TSNARE1: variants seen among roughly 807,000 people sequenced by gnomAD.
The protein encoded by TSNARE1 is t-SNARE domain containing 1, also known as t-SNARE domain-containing protein 1.
Under a neutral mutation model 62.0 loss-of-function variants are expected in TSNARE1, and 49 were observed. That is an observed-to-expected ratio of 0.79 (90% CI 0.63 to 1.00). TSNARE1 has a LOEUF of 1.00. TSNARE1 is among the 50% of genes least tolerant of loss of function. The pLI, the probability that TSNARE1 is intolerant of heterozygous loss-of-function variation, is 0.00. For synonymous variants in TSNARE1, 328 were observed against 294.4 expected (o/e 1.11, Z -1.17); for missense variants, 755 against 700.1 (o/e 1.08, Z -0.88).
rs1825569068 is a variant in TSNARE1, at chr8:142,300,642, A to T, written c.1134T>A (p.Ser378Arg). ...LPMAQRGSKQ[S>R]PQAPFAELAD... is the part of the protein sequence containing the mutation. ...CCAGCTCGGCAAACGGGGCCTGGGG[A>T]CTCTGCTGATGACAGACAGATCTTG... is the stretch of plus-strand genomic sequence containing the variant. Residue 378 changes from serine to arginine, a missense_variant and splice_region_variant, in exon 10 of 14, where the codon AGT becomes AGA. Coordinates refer to ENST00000524325, the MANE Select transcript of TSNARE1 (RefSeq NM_145003.5). 6.2e-7 allele frequency: 1 copy of T among 1,612,280 alleles called. No homozygotes were observed. Among genetic ancestry groups the T allele is most frequent in the Non-Finnish European group, 8.5e-7 (1 of 1,179,322 alleles).
intron 10 of TSNARE1, among the ~76,000 whole-genome samples, chr8:142,296,532 G>C (rs1824781779): frequency 6.6e-6 from 1 of 151,982 alleles, no homozygotes. Flanking sequence ...GGTTCCACAA[G>C]TACTGGCAAG....
intron 10 of TSNARE1, 141 bp from the exon 11 acceptor site, chr8:142,284,626 T>C (rs1822373973): frequency 1.5e-6 from 1 of 687,728 alleles, no homozygotes; most frequent in East Asian, 2.6e-5. Flanking sequence ...GGGGACCGGC[T>C]GGTCTGTCCA....
At chr8:142,214,073 T>A (rs1815709146) in intron 13 of TSNARE1, among the ~76,000 whole-genome samples, 1 of 152,158 alleles carries the variant, frequency 6.6e-6, no homozygotes, top group African/African-American at 2.4e-5. Context: ...TCCTCAGGGC[T>A]GGCAAGAGGC....
At chr8:142,222,983 TTCAC>T (rs1295641310) in intron 13 of TSNARE1, among the ~76,000 whole-genome samples, 2 of 105,524 alleles carry the variant, frequency 1.9e-5, no homozygotes, top group African/African-American at 3.6e-5. Flanking sequence ...CACTCACTCA[TTCAC>T]TCACTCTCTC....
intron 1 of TSNARE1, among the ~76,000 whole-genome samples, chr8:142,373,204 C>T (rs1836037192): frequency 6.6e-6 from 1 of 152,210 alleles, no homozygotes; most frequent in African/African-American, 2.4e-5. Flanking sequence ...CAGCCTGGAG[C>T]TGGGCACAAC....
At chr8:142,383,429 G>A (rs1350444329) in intron 1 of TSNARE1, among the ~76,000 whole-genome samples, 2 of 152,198 alleles carry the variant, frequency 1.3e-5, no homozygotes, top group African/African-American at 2.4e-5. Flanking sequence ...ACCCAGGACA[G>A]AGTGCAAATG....
At chr8:142,304,543 G>A (rs960240390) in intron 9 of TSNARE1, among the ~76,000 whole-genome samples, 4 of 152,318 alleles carry the variant, frequency 2.6e-5, no homozygotes, top group African/African-American at 7.2e-5. Context: ...CCAGGAACCC[G>A]AGCACGAGGC....
intron 13 of TSNARE1, among the ~76,000 whole-genome samples, chr8:142,222,492 C>CCACTAATTCACTCACT (rs1816375992): frequency 1.3e-4 from 2 of 15,970 alleles, no homozygotes; most frequent in African/African-American, 2.7e-4. Flanking sequence ...ACTCACTCAT[C>CCACTAATTCACTCACT]CACTCACTCA....
At position 142,331,816 on chromosome 8, in the gene TSNARE1, G is replaced by T. The variant is rs149672057; in HGVS notation, c.761C>A (p.Pro254Gln). ...CTGGAACAGCTCCTGGAGGTTGCAC[G>T]GATCGACCTGGGTGGCTGGGAGAAG... ...LEPPRATQVD[P>Q]CNLQELFQEM... Residue 254 changes from proline to glutamine, a missense_variant, in exon 5 of 14, where the codon CCG (proline) becomes CAG (glutamine). Physicochemically the swap from Pro to Gln is moderately conservative, Grantham distance 76. Transcript: ENST00000524325. 2.5e-6 allele frequency: 4 copies of T among 1,608,346 alleles called. No individual in the cohort carries two copies. The highest frequency in any genetic ancestry group is 1.1e-5 in the South Asian group (1 of 89,640).
chr8:142,358,607 G>A (rs369229983), intron 1 of TSNARE1, among the ~76,000 whole-genome samples: 111 of 152,188 alleles, frequency 7.3e-4, no homozygotes, highest in African/African-American at 2.5e-3. Context: ...CTCTGTGTTT[G>A]CTCAGCCAGC....
intron 13 of TSNARE1, among the ~76,000 whole-genome samples, chr8:142,214,184 C>A (rs1312774930): frequency 6.6e-6 from 1 of 152,152 alleles, no homozygotes. Flanking sequence ...CCCGCCTGGC[C>A]CTGGGAACCC....
intron 6 of TSNARE1, among the ~76,000 whole-genome samples, chr8:142,329,511 A>G (rs1830712177): frequency 6.6e-6 from 1 of 152,226 alleles, no homozygotes; most frequent in African/African-American, 2.4e-5. Context: ...TAAGCACAGC[A>G]GCTTCACTGG....
At chr8:142,278,258 C>T (rs1820824322) in intron 11 of TSNARE1, 1 of 985,460 alleles carries the variant, frequency 1.0e-6, no homozygotes, top group Non-Finnish European at 1.2e-6. Context: ...GCCCACTCTG[C>T]CCATGGGTCC....
intron 10 of TSNARE1, among the ~76,000 whole-genome samples, chr8:142,297,609 G>C (rs4468046): frequency 3.3e-5 from 5 of 152,094 alleles, no homozygotes; most frequent in African/African-American, 1.2e-4. Context: ...GCCGAGGTGC[G>C]TAACACAGCT....
intron 12 of TSNARE1, among the ~76,000 whole-genome samples, chr8:142,243,703 G>A (rs888990684): frequency 6.6e-6 from 1 of 152,142 alleles, no homozygotes; most frequent in Admixed American, 6.5e-5. Flanking sequence ...TAACTCTAGT[G>A]AATAATAATG....
chr8:142,309,432 T>C (rs1410293184), intron 9 of TSNARE1, among the ~76,000 whole-genome samples: 1 of 152,214 alleles, frequency 6.6e-6, no homozygotes, highest in African/African-American at 2.4e-5. Flanking sequence ...GGCACTCCTA[T>C]CTATTCCTAG....
intron 1 of TSNARE1, among the ~76,000 whole-genome samples, chr8:142,382,405 G>A (rs1173145788): frequency 6.6e-6 from 1 of 152,158 alleles, no homozygotes; most frequent in Non-Finnish European, 1.5e-5. Context: ...TTCCCCGGGA[G>A]GCCGGCCTCT....
chr8:142,299,711 C>T (rs924047574), intron 10 of TSNARE1, among the ~76,000 whole-genome samples: 6 of 152,096 alleles, frequency 3.9e-5, no homozygotes, highest in South Asian at 2.1e-4. Context: ...CACGCACTCA[C>T]GCACGCACTC....
intron 1 of TSNARE1, among the ~76,000 whole-genome samples, chr8:142,395,401 A>G (rs1289193352): frequency 6.6e-6 from 1 of 151,824 alleles, no homozygotes; most frequent in African/African-American, 2.4e-5. Context: ...CCAGGAGGTC[A>G]CCAGTCGGGG....
Sources: allele counts gnomAD v4.1 joint callset (sites outside exome capture counted in the v4.1 genomes callset), GRCh38; gene constraint gnomAD v4.1.1; transcripts MANE v1.5; gene names NCBI Gene and HGNC (gene_info 2026-07-23, HGNC 2026-07-21).